The following MNAT1 variants were observed in gnomAD, a reference collection of about 807,000 sequenced individuals.
The protein encoded by MNAT1 is CDK-activating kinase assembly factor MAT1.
In MNAT1, 43 loss-of-function variants were observed where a neutral mutation model predicts 42.0. That is an observed-to-expected ratio of 1.02 (90% CI 0.80 to 1.32). The LOEUF is 1.32. Ranked by LOEUF, MNAT1 falls within the 40% of genes most tolerant of loss-of-function variation. The probability of loss-of-function intolerance (pLI) is 0.00; values close to 1 mark genes in which losing one functional copy is unlikely to be tolerated. For synonymous variants in MNAT1, 118 were observed against 120.0 expected (o/e 0.98, Z 0.11); for missense variants, 306 against 350.4 (o/e 0.87, Z 1.01).
At chr14:60,921,839 A>C (rs548064156) in intron 7 of MNAT1, among the ~76,000 whole-genome samples, 2 of 152,292 alleles carry the variant, frequency 1.3e-5, no homozygotes, top group South Asian at 4.1e-4. Context: ...CATTTGCTAC[A>C]ATTTCCTGTG....
rs140922189 is a variant in MNAT1, at chr14:60,921,491, C to T, written c.809+41656C>T. ...CTGTTCTTAGGAAATATAAACCCATCACCCCTATGCTTTTTTTCTTGGCAC... is the reference window on the plus strand; with the variant it reads ...CTGTTCTTAGGAAATATAAACCCATTACCCCTATGCTTTTTTTCTTGGCAC... On this transcript the variant is annotated intron_variant, in intron 7 of 7. Transcript: ENST00000261245. 1.2e-4 allele frequency among the ~76,000 whole-genome samples: 18 copies of T among 152,112 alleles called. No individual in the cohort carries two copies. In the East Asian group the frequency reaches 3.3e-3, roughly 28 times the overall value.
At position 60,902,231 on chromosome 14, in the gene MNAT1, CTATT is replaced by C. The variant is rs776133443; in HGVS notation, c.809+22402_809+22405del. The stretch of plus-strand genomic sequence containing the variant: ...TTATCATTTTTCATTAATACATAAT[CTATT>C]TATTTGGGATTTTAACTACATTTGC... On this transcript the variant is annotated intron_variant, in intron 7 of 7. Transcript: ENST00000261245. Among the ~76,000 whole-genome samples, 13 of 152,148 alleles carry C rather than the reference CTATT, an allele frequency of 8.5e-5. No homozygotes were observed. The East Asian group carries it at 1.4e-3, about 16-fold the overall frequency.
At chr14:60,902,478 T>C (rs1010773601) in intron 7 of MNAT1, among the ~76,000 whole-genome samples, 1 of 152,190 alleles carries the variant, frequency 6.6e-6, no homozygotes, top group Non-Finnish European at 1.5e-5. Context: ...ATTTATACTT[T>C]GAAGTAAACT....
At chr14:60,921,432 T>A (rs2035657346) in intron 7 of MNAT1, among the ~76,000 whole-genome samples, 1 of 152,174 alleles carries the variant, frequency 6.6e-6, no homozygotes, top group African/African-American at 2.4e-5. Flanking sequence ...TATTGATTTT[T>A]ATAATATAGA....
At chr14:60,849,318 C>T (rs2033762664) in intron 6 of MNAT1, among the ~76,000 whole-genome samples, 1 of 152,118 alleles carries the variant, frequency 6.6e-6, no homozygotes, top group Non-Finnish European at 1.5e-5. Flanking sequence ...TCTTACAGAT[C>T]ATTGCTTAAC....
intron 7 of MNAT1, among the ~76,000 whole-genome samples, chr14:60,949,557 T>C (rs898130621): frequency 7.9e-5 from 12 of 152,298 alleles, no homozygotes; most frequent in Middle Eastern, 3.4e-3. Flanking sequence ...ATGTGCACAG[T>C]TACAAGGCAT....
At chr14:60,825,078 G>A (rs1308427022) in intron 6 of MNAT1, among the ~76,000 whole-genome samples, 1 of 152,048 alleles carries the variant, frequency 6.6e-6, no homozygotes, top group African/African-American at 2.4e-5. Flanking sequence ...ACTAATAAAA[G>A]GCTTAGATCC....
At chr14:60,941,776 G>A (rs544852810) in intron 7 of MNAT1, among the ~76,000 whole-genome samples, 1 of 150,896 alleles carries the variant, frequency 6.6e-6, no homozygotes, top group Non-Finnish European at 1.5e-5. Context: ...AGGCTGAGGC[G>A]GGCGGATCAT....
intron 3 of MNAT1, among the ~76,000 whole-genome samples, chr14:60,798,528 T>C (rs2032094081): frequency 6.6e-6 from 1 of 152,184 alleles, no homozygotes; most frequent in South Asian, 2.1e-4. Context: ...ATATTTATAG[T>C]GACTAAAGCC....
intron 1 of MNAT1, among the ~76,000 whole-genome samples, chr14:60,755,683 A>G (rs1485063129): frequency 1.3e-5 from 2 of 152,242 alleles, no homozygotes; most frequent in Non-Finnish European, 2.9e-5. Flanking sequence ...CATTAAACCT[A>G]GCGCAGCCAG....
At chr14:60,833,293 C>A (rs552083634) in intron 6 of MNAT1, among the ~76,000 whole-genome samples, 20 of 152,126 alleles carry the variant, frequency 1.3e-4, no homozygotes, top group East Asian at 1.9e-4. Context: ...TTGCCCATTC[C>A]GTATGATATT....
chr14:60,914,454 G>T (rs922563735), intron 7 of MNAT1, among the ~76,000 whole-genome samples: 2 of 152,086 alleles, frequency 1.3e-5, no homozygotes, highest in Non-Finnish European at 2.9e-5. Flanking sequence ...TTCCTATTCG[G>T]CCATCTTGGC....
intron 4 of MNAT1, 43 bp downstream of exon 4, chr14:60,808,471 A>T: frequency 8.3e-7 from 1 of 1,200,946 alleles, no homozygotes; most frequent in Non-Finnish European, 1.2e-6. Context: ...CTTAGAAACA[A>T]ATGTTTCCAC....
intron 6 of MNAT1, among the ~76,000 whole-genome samples, chr14:60,854,633 G>A (rs898386627): frequency 3.3e-5 from 5 of 152,150 alleles, no homozygotes; most frequent in Non-Finnish European, 7.3e-5. Flanking sequence ...AGTGAAGCCC[G>A]CAGAATAGCA....
intron 3 of MNAT1, among the ~76,000 whole-genome samples, chr14:60,806,194 A>G (rs1472754544): frequency 6.6e-6 from 1 of 152,216 alleles, no homozygotes; most frequent in Non-Finnish European, 1.5e-5. Flanking sequence ...CAGGGTAGGA[A>G]GTGGGTAAAT....
intron 7 of MNAT1, among the ~76,000 whole-genome samples, chr14:60,940,869 A>T (rs947308212): frequency 5.1e-4 from 77 of 152,196 alleles, no homozygotes; most frequent in Non-Finnish European, 9.0e-4. Flanking sequence ...GGTCAAAATT[A>T]GAATAGCCTG....
intron 7 of MNAT1, among the ~76,000 whole-genome samples, chr14:60,909,048 T>C (rs1247593600): frequency 6.6e-6 from 1 of 152,238 alleles, no homozygotes; most frequent in African/African-American, 2.4e-5. Context: ...CATTGTGGTT[T>C]TGATTTGCAT....
chr14:60,937,501 T>G lies in MNAT1; in HGVS notation c.810-30728T>G, dbSNP rs551084625. ...TTAAATAGGGAATCCTTTCCCCATTTCTTGTTTTTGTCAGGTTTGTCAAAG... is the reference window on the plus strand; with the variant it reads ...TTAAATAGGGAATCCTTTCCCCATTGCTTGTTTTTGTCAGGTTTGTCAAAG... On this transcript the variant is annotated intron_variant, in intron 7 of 7. Transcript: ENST00000261245. Among the ~76,000 whole-genome samples, 173 of 152,282 alleles carry G rather than the reference T, an allele frequency of 1.1e-3. 1 individual carries two copies. The highest frequency in any genetic ancestry group is 4.0e-3 in the African/African-American group (167 of 41,546).
intron 6 of MNAT1, among the ~76,000 whole-genome samples, chr14:60,828,721 A>T (rs1047792759): frequency 6.6e-6 from 1 of 152,162 alleles, no homozygotes; most frequent in Non-Finnish European, 1.5e-5. Context: ...CGAAAGCTCC[A>T]GGTGGTAACC....
Sources: allele counts gnomAD v4.1 joint callset (sites outside exome capture counted in the v4.1 genomes callset), GRCh38; gene constraint gnomAD v4.1.1; transcripts MANE v1.5; gene names NCBI Gene and HGNC (gene_info 2026-07-23, HGNC 2026-07-21).